The following FNDC3A variants were observed in gnomAD, a reference collection of about 807,000 sequenced individuals.
The protein encoded by FNDC3A is fibronectin type III domain containing 3A, also known as fibronectin type-III domain-containing protein 3A.
In FNDC3A, 32 loss-of-function variants were observed where a neutral mutation model predicts 148.9. The ratio of observed to expected loss-of-function variants is 0.21; its 90% CI spans 0.16 to 0.29. The LOEUF is 0.29. Among genes scored for constraint, FNDC3A ranks in the 10% least tolerant of loss-of-function variants. The pLI is 1.00. For synonymous variants in FNDC3A, 472 were observed against 473.6 expected, an observed-to-expected ratio of 1.00 and a Z score of 0.04; for missense variants, 1,191 against 1,452.8, an observed-to-expected ratio of 0.82 and a Z score of 2.93.
At chr13:49,159,725 TG>T (rs1883966485) in intron 8 of FNDC3A, among the ~76,000 whole-genome samples, 2 of 152,204 alleles carry the variant, frequency 1.3e-5, no homozygotes, top group African/African-American at 4.8e-5. Context: ...TTCCAGTTTT[TG>T]CCCATTCAGT....
At chr13:49,118,589 A>T (rs970052781) in intron 4 of FNDC3A, among the ~76,000 whole-genome samples, 10 of 152,178 alleles carry the variant, frequency 6.6e-5, no homozygotes, top group African/African-American at 2.4e-4. Context: ...AGAGCTCAGC[A>T]AGCTAAGATC....
chr13:49,159,665 G>T (rs1438964907), intron 8 of FNDC3A, among the ~76,000 whole-genome samples: 1 of 152,150 alleles, frequency 6.6e-6, no homozygotes, highest in Non-Finnish European at 1.5e-5. Context: ...GTTGAATAGG[G>T]GTGGAGAGAG....
At chr13:49,000,260 A>G (rs1952102091) in intron 1 of FNDC3A, among the ~76,000 whole-genome samples, 2 of 152,196 alleles carry the variant, frequency 1.3e-5, no homozygotes, top group Admixed American at 1.3e-4. Flanking sequence ...ATTTTTGTAT[A>G]TAGTGTAAGA....
chr13:48,994,665 C>CTACT (rs1364123573), intron 1 of FNDC3A, among the ~76,000 whole-genome samples: 6 of 152,072 alleles, frequency 3.9e-5, no homozygotes, highest in Non-Finnish European at 7.4e-5. Context: ...GTAATCCCAG[C>CTACT]TACTCCGGAG....
intron 2 of FNDC3A, among the ~76,000 whole-genome samples, chr13:49,041,465 C>T (rs1173235677): frequency 1.3e-5 from 2 of 152,184 alleles, no homozygotes; most frequent in African/African-American, 4.8e-5. Flanking sequence ...GTTCCACACC[C>T]TTCCTAGTCC....
chr13:49,087,139 TGTTATA>T (rs1878865225), intron 3 of FNDC3A, among the ~76,000 whole-genome samples: 1 of 152,132 alleles, frequency 6.6e-6, no homozygotes, highest in African/African-American at 2.4e-5. Context: ...AAAATATCAC[TGTTATA>T]GTTAGTCTCT....
Position 49,131,388 on chromosome 13 carries a change from A to C in FNDC3A, c.490+14A>C. The C allele has an allele frequency of 6.5e-7, 1 of 1,532,202 alleles. No individual in the cohort carries two copies. Among genetic ancestry groups the C allele is most frequent in the Admixed American group, 1.7e-5 (1 of 59,898 alleles). 94.9% of individuals were successfully genotyped at this position (1,532,202 alleles called of 1,614,324 possible). Reference sequence around the variant, plus strand: ...ATGGAGATGTAGGTAAGACATCTAAAAGTATTCCACTGTTATTGAGTTGGA... The same window carrying C: ...ATGGAGATGTAGGTAAGACATCTAACAGTATTCCACTGTTATTGAGTTGGA... On this transcript the variant is annotated intron_variant, in intron 5 of 25. Coordinates refer to ENST00000492622, the MANE Select transcript of FNDC3A (RefSeq NM_001079673.2).
intron 2 of FNDC3A, among the ~76,000 whole-genome samples, chr13:49,015,566 C>A (rs1370392086): frequency 2.0e-5 from 3 of 152,206 alleles, no homozygotes; most frequent in African/African-American, 7.2e-5. Flanking sequence ...TTGACTTCCT[C>A]TTTTCCTAAT....
At chr13:49,052,861 C>G (rs936997817) in intron 2 of FNDC3A, among the ~76,000 whole-genome samples, 2 of 152,144 alleles carry the variant, frequency 1.3e-5, no homozygotes, top group Non-Finnish European at 2.9e-5. Flanking sequence ...TAGGTATGTC[C>G]GAGCTTAGCC....
chr13:49,042,397 C>T (rs981726766), intron 2 of FNDC3A, among the ~76,000 whole-genome samples: 16 of 152,026 alleles, frequency 1.1e-4, no homozygotes, highest in African/African-American at 2.7e-4. Flanking sequence ...TTTTCTGATT[C>T]GCTATTTCTG....
chr13:49,152,346 CA>C (rs1179374018), intron 8 of FNDC3A, among the ~76,000 whole-genome samples: 2 of 152,228 alleles, frequency 1.3e-5, no homozygotes, highest in East Asian at 1.9e-4. Flanking sequence ...AGCATTTTTT[CA>C]TGTGTCTGTT....
At chr13:49,042,890 C>T (rs1875055816) in intron 2 of FNDC3A, among the ~76,000 whole-genome samples, 1 of 152,100 alleles carries the variant, frequency 6.6e-6, no homozygotes, top group South Asian at 2.1e-4. Flanking sequence ...CGTTTCTGTT[C>T]CTTTTCTATT....
At position 49,003,029 on chromosome 13, in the gene FNDC3A, T is replaced by C. The variant is rs114148477; in HGVS notation, c.-39-3123T>C. On this transcript the variant is annotated intron_variant, in intron 1 of 25. Transcript: ENST00000492622. ...ATATGAGTTTGCCTCCATAACTTCA[T>C]TACCACTTGATATTGTCAGTCTTTT... Among the ~76,000 whole-genome samples the C allele has an allele frequency of 8.3e-3, 1,262 of 152,294 alleles. 20 individuals carry two copies. The highest frequency in any genetic ancestry group is 0.029 in the African/African-American group (1,192 of 41,564).
intron 4 of FNDC3A, among the ~76,000 whole-genome samples, chr13:49,121,335 C>T (rs1322480555): frequency 2.6e-5 from 4 of 152,210 alleles, no homozygotes; most frequent in South Asian, 2.1e-4. Flanking sequence ...CTTTGGGACA[C>T]ATTTAAAGCA....
chr13:48,994,776 C>CAA (rs201947023), intron 1 of FNDC3A, among the ~76,000 whole-genome samples: 3 of 121,002 alleles, frequency 2.5e-5, no homozygotes, highest in African/African-American at 9.2e-5. Context: ...GACTCCATCT[C>CAA]AAAAAAAAAA....
intron 8 of FNDC3A, chr13:49,146,139 T>G (rs1006086152): frequency 1.8e-5 from 9 of 493,082 alleles, no homozygotes; most frequent in Non-Finnish European, 3.2e-5. Flanking sequence ...ATAATCACTT[T>G]TATTGGCCAC....
Position 49,075,819 on chromosome 13 carries a change from C to T in FNDC3A, c.175+455C>T, listed in dbSNP as rs866671992. On this transcript the variant is annotated intron_variant, in intron 3 of 25. Transcript: ENST00000492622. ...ACCACTGCCCCCCCCACCCCCACCC[C>T]CACCCCCCCTTTCAGATCCTACCTG... 6.5e-5 allele frequency among the ~76,000 whole-genome samples: 9 copies of T among 139,072 alleles called. 1 individual carries two copies. Among genetic ancestry groups the T allele is most frequent in the Non-Finnish European group, 1.2e-4 (8 of 64,292 alleles). 91.2% of individuals were successfully genotyped at this position (139,072 alleles called of 152,430 possible).
intron 8 of FNDC3A, among the ~76,000 whole-genome samples, chr13:49,159,312 G>A (rs1348876512): frequency 1.3e-5 from 2 of 152,136 alleles, no homozygotes; most frequent in Non-Finnish European, 2.9e-5. Context: ...GTGGTTTGTA[G>A]TTCTCCTTGA....
chr13:49,008,107 G>A (rs1400707430), intron 2 of FNDC3A, among the ~76,000 whole-genome samples: 4 of 152,100 alleles, frequency 2.6e-5, no homozygotes, highest in African/African-American at 9.7e-5. Flanking sequence ...CGAATCCTAA[G>A]TAAAGCACTC....
Sources: gnomAD v4.1 joint callset for allele counts (sites outside exome capture counted in the v4.1 genomes callset) on GRCh38, gnomAD v4.1.1 for gene constraint, MANE v1.5 for transcripts, NCBI Gene and HGNC (gene_info 2026-07-23, HGNC 2026-07-21) for gene names.